PTK2B: variants seen among roughly 807,000 people sequenced by gnomAD.
PTK2B encodes protein-tyrosine kinase 2-beta.
In PTK2B, 71 loss-of-function variants were observed where a neutral mutation model predicts 142.9. The ratio of observed to expected loss-of-function variants is 0.50; its 90% confidence interval spans 0.41 to 0.61. The LOEUF (loss-of-function observed/expected upper bound fraction) is 0.61. PTK2B is among the 20% of genes least tolerant of loss of function. The pLI is 0.00. For missense variants in PTK2B, 1,105 were observed against 1,320.4 expected (o/e 0.84, Z 2.53); for synonymous variants, 519 against 503.4 (o/e 1.03, Z -0.42).
At chr8:27,367,172 A>G (rs140115541) in intron 1 of PTK2B, among the ~76,000 whole-genome samples, 5 of 152,200 alleles carry the variant, frequency 3.3e-5, no homozygotes, top group African/African-American at 1.2e-4. Flanking sequence ...ACACGCACAC[A>G]TGCCACACAC....
intron 30 of PTK2B, among the ~76,000 whole-genome samples, chr8:27,457,987 AAAAAAAAAAAAG>A (rs1586376272): frequency 1.3e-5 from 2 of 148,768 alleles, no homozygotes; most frequent in East Asian, 3.9e-4. Flanking sequence ...AAAAAAAAAA[AAAAAAAAAAAAG>A]ATCAGATTCG....
Position 27,413,562 on chromosome 8 carries a change from C to A in PTK2B, c.205-6333C>A, listed in dbSNP as rs140365516. On this transcript the variant is annotated intron_variant, in intron 2 of 30. Transcript: ENST00000346049. ...CTGGTCTCATGACTAGATCAGGCCACAGACTCATGGCAGGAAGATCTCAGC... is the reference window on the plus strand; with the variant it reads ...CTGGTCTCATGACTAGATCAGGCCAAAGACTCATGGCAGGAAGATCTCAGC... 3.4e-4 allele frequency among the ~76,000 whole-genome samples: 52 copies of A among 152,342 alleles called. No homozygotes were observed. In the East Asian group the frequency reaches 0.01, roughly 29 times the overall value.
chr8:27,367,331 G>T (rs577626132), intron 1 of PTK2B, among the ~76,000 whole-genome samples: 57 of 152,320 alleles, frequency 3.7e-4, no homozygotes, highest in African/African-American at 1.3e-3. Flanking sequence ...GGGTGTTCTG[G>T]GCTGTTGAAC....
At chr8:27,373,708 T>G (rs1165358431) in intron 1 of PTK2B, among the ~76,000 whole-genome samples, 1 of 151,996 alleles carries the variant, frequency 6.6e-6, no homozygotes, top group Admixed American at 6.6e-5. Context: ...TAAAAAAAAT[T>G]GGAGATTTCA....
intron 20 of PTK2B, among the ~76,000 whole-genome samples, chr8:27,439,934 G>A (rs1811052123): frequency 6.6e-6 from 1 of 152,140 alleles, no homozygotes; most frequent in Non-Finnish European, 1.5e-5. Context: ...ACTAAGGAGT[G>A]GCTCCCCTCC....
chr8:27,419,925 C>A lies in PTK2B; in HGVS notation c.235C>A (p.Arg79=), dbSNP rs1010815450. 60 of 1,614,190 alleles carry A rather than the reference C, an allele frequency of 3.7e-5. No homozygotes were observed. The highest frequency in any genetic ancestry group is 5.0e-5 in the Non-Finnish European group (59 of 1,180,036). Residue 79 remains arginine, a synonymous_variant, in exon 3 of 31, where the codon CGG becomes AGG. Coordinates refer to ENST00000346049, the MANE Select transcript of PTK2B (RefSeq NM_173176.3). ...CATCACCTCCATCCTGCTGAGCGGG[C>A]GGATCGGGCCCAACATCCGGTTGGC... ...EIITSILLSG[R]IGPNIRLAEC... is the part of the protein sequence containing the mutation.
rs574912611 is a variant in PTK2B, at chr8:27,446,483, G to T, written c.2340+564G>T. Among the ~76,000 whole-genome samples the T allele has an allele frequency of 2.0e-5, 3 of 152,276 alleles. No individual in the cohort carries two copies. In the East Asian group the frequency reaches 5.8e-4, roughly 29 times the overall value. On this transcript the variant is annotated intron_variant, in intron 24 of 30. Transcript: ENST00000346049. ...CCTTGTCAGCTCTTTGTCACGGGGG[G>T]TTGTTAACTGCTGGTGAAGCCCGGA...
intron 30 of PTK2B, among the ~76,000 whole-genome samples, chr8:27,455,410 G>A (rs1276427557): frequency 4.6e-5 from 7 of 152,218 alleles, no homozygotes; most frequent in East Asian, 1.9e-4. Flanking sequence ...TTAGCTGGGC[G>A]TGGTGGCCTG....
At chr8:27,329,896 G>C (rs1803639606) in intron 1 of PTK2B, among the ~76,000 whole-genome samples, 1 of 152,068 alleles carries the variant, frequency 6.6e-6, no homozygotes, top group East Asian at 1.9e-4. Flanking sequence ...CAGGGCTTTG[G>C]GTGAGGGTGG....
intron 5 of PTK2B, among the ~76,000 whole-genome samples, chr8:27,424,892 T>A (rs921061992): frequency 6.6e-6 from 1 of 152,142 alleles, no homozygotes; most frequent in African/African-American, 2.4e-5. Flanking sequence ...ATTGTATCAT[T>A]TCCTAGCTTA....
chr8:27,362,337 C>A (rs79071019), intron 1 of PTK2B, among the ~76,000 whole-genome samples: 2,983 of 152,258 alleles, frequency 0.02, 102 homozygotes, highest in African/African-American at 0.068. Context: ...AGGTATGTGT[C>A]ATTTCCTTAT....
chr8:27,313,538 C>T (rs528903929), intron 3 of PTK2B, among the ~76,000 whole-genome samples: 2 of 152,144 alleles, frequency 1.3e-5, no homozygotes, highest in Non-Finnish European at 2.9e-5. Context: ...ATATGCTGGC[C>T]CACTTCTGGA....
chr8:27,426,107 G>A (rs79781125), intron 5 of PTK2B, among the ~76,000 whole-genome samples: 49 of 152,202 alleles, frequency 3.2e-4, no homozygotes, highest in East Asian at 2.9e-3. Context: ...CAGAGAATAC[G>A]TAACCCCAGA....
chr8:27,312,672 C>T (rs1372169270), intron 2 of PTK2B, among the ~76,000 whole-genome samples: 1 of 152,152 alleles, frequency 6.6e-6, no homozygotes, highest in African/African-American at 2.4e-5. Context: ...CTCTCAGTCC[C>T]CCAAGGATAG....
intron 2 of PTK2B, among the ~76,000 whole-genome samples, chr8:27,412,773 G>A (rs1809149061): frequency 6.6e-6 from 1 of 152,046 alleles, no homozygotes; most frequent in African/African-American, 2.4e-5. Flanking sequence ...ACAGAAATTG[G>A]TTGCTTCTTA....
chr8:27,413,930 T>G (rs993508428), intron 2 of PTK2B, among the ~76,000 whole-genome samples: 1 of 152,220 alleles, frequency 6.6e-6, no homozygotes, highest in Non-Finnish European at 1.5e-5. Flanking sequence ...CCCCAATTAT[T>G]TATCTGTCTT....
rs140561123 is a variant in PTK2B, at chr8:27,363,323, A to C, written c.-37-34225A>C. ...TGGGAGAGCAGAGGAGCTGTTTTCC[A>C]CTAGTGAAAGGTCAGGAGGTGGAAG... On this transcript the variant is annotated intron_variant, in intron 1 of 30. Coordinates refer to ENST00000346049, the MANE Select transcript of PTK2B (RefSeq NM_173176.3). The surrounding 1 kb of genome is among the most constrained non-coding windows in gnomAD (Gnocchi z 4.3). Among the ~76,000 whole-genome samples the C allele has an allele frequency of 4.6e-5, 7 of 152,182 alleles. No homozygotes were observed. The highest frequency in any genetic ancestry group is 1.4e-4 in the African/African-American group (6 of 41,442).
intron 2 of PTK2B, among the ~76,000 whole-genome samples, chr8:27,399,613 C>T (rs1371385134): frequency 6.6e-6 from 1 of 152,006 alleles, no homozygotes; most frequent in Non-Finnish European, 1.5e-5. Flanking sequence ...ACACAACAGG[C>T]CTATGGAGAA....
At chr8:27,414,734 C>T (rs1281151443) in intron 2 of PTK2B, among the ~76,000 whole-genome samples, 1 of 152,130 alleles carries the variant, frequency 6.6e-6, no homozygotes, top group East Asian at 1.9e-4. Context: ...CTAGGCTCCC[C>T]ATCTCCATAA....
Sources: allele counts gnomAD v4.1 joint callset (sites outside exome capture counted in the v4.1 genomes callset), GRCh38; gene constraint gnomAD v4.1.1; non-coding constraint Gnocchi (gnomAD v3.1); transcripts MANE v1.5; gene names NCBI Gene and HGNC (gene_info 2026-07-23, HGNC 2026-07-21).